The following VTI1A variants were observed in gnomAD, a reference collection of about 807,000 sequenced individuals.
VTI1A encodes vesicle transport through interaction with t-SNAREs homolog 1A.
VTI1A carries 22 observed loss-of-function variants against 34.9 expected under a neutral mutation model. The ratio of observed to expected loss-of-function variants is 0.63; its 90% CI spans 0.45 to 0.90. The LOEUF (loss-of-function observed/expected upper bound fraction) is 0.90, where lower values mean the gene tolerates loss of function less well. Among genes scored for constraint, VTI1A ranks in the 40% least tolerant of loss-of-function variants. The pLI, the probability that VTI1A is intolerant of heterozygous loss-of-function variation, is 0.00. For synonymous variants in VTI1A, 87 were observed against 97.3 expected, an observed-to-expected ratio of 0.89 and a Z score of 0.62; for missense variants, 268 against 275.6, an observed-to-expected ratio of 0.97 and a Z score of 0.20.
chr10:112,502,339 C>A (rs1849273920), intron 3 of VTI1A, among the ~76,000 whole-genome samples: 2 of 152,008 alleles, frequency 1.3e-5, no homozygotes, highest in Admixed American at 1.3e-4. Context: ...CAGCTTCTTA[C>A]TCATTTTAAA....
intron 3 of VTI1A, among the ~76,000 whole-genome samples, chr10:112,516,845 T>C (rs1849800297): frequency 6.6e-6 from 1 of 152,018 alleles, no homozygotes; most frequent in South Asian, 2.1e-4. Context: ...ATGTGCATGG[T>C]TATACTATCC....
Position 112,739,413 on chromosome 10 carries a change from T to C in VTI1A, c.560+70415T>C, listed in dbSNP as rs148254624. On this transcript the variant is annotated intron_variant, in intron 7 of 7. Transcript: ENST00000393077. Reference sequence around the variant, plus strand: ...GTCAGTTGCATGTCCCACATGCTAATGGTGGTTATTTGGACATCTCTGCTT... The same window carrying C: ...GTCAGTTGCATGTCCCACATGCTAACGGTGGTTATTTGGACATCTCTGCTT... 8.3e-4 allele frequency among the ~76,000 whole-genome samples: 127 copies of C among 152,328 alleles called. 1 individual carries two copies. In the East Asian group the frequency reaches 0.023, roughly 28 times the overall value.
chr10:112,761,728 G>A (rs967235821), intron 7 of VTI1A, among the ~76,000 whole-genome samples: 2 of 151,294 alleles, frequency 1.3e-5, no homozygotes, highest in African/African-American at 2.4e-5. Flanking sequence ...ACCAGTGCTT[G>A]TTCTCTTTCC....
chr10:112,635,391 C>T (rs999963226), intron 5 of VTI1A, among the ~76,000 whole-genome samples: 35 of 152,188 alleles, frequency 2.3e-4, no homozygotes, highest in African/African-American at 7.5e-4. Flanking sequence ...GACAGGGAAC[C>T]GCAAGGGTCA....
At chr10:112,770,117 C>A (rs1287903813) in intron 7 of VTI1A, among the ~76,000 whole-genome samples, 1 of 151,880 alleles carries the variant, frequency 6.6e-6, no homozygotes, top group African/African-American at 2.4e-5. Context: ...CGGAATCTGG[C>A]CATGGACTGC....
At chr10:112,724,444 A>G (rs78927913) in intron 7 of VTI1A, among the ~76,000 whole-genome samples, 323 of 152,186 alleles carry the variant, frequency 2.1e-3, no homozygotes, top group African/African-American at 6.9e-3. Context: ...ACACCAAACT[A>G]TGGCTGGGAT....
chr10:112,852,701 A>G, the VTI1A span, among the ~76,000 whole-genome samples: 1 of 152,134 alleles, frequency 6.6e-6, no homozygotes, highest in African/African-American at 2.4e-5. Context: ...ACAGCACCCC[A>G]GTTTTCCTCT....
chr10:112,457,852 A>G (rs964055209), intron 1 of VTI1A, among the ~76,000 whole-genome samples: 1 of 152,210 alleles, frequency 6.6e-6, no homozygotes, highest in African/African-American at 2.4e-5. Flanking sequence ...TCAGGGTGCC[A>G]TGGGAGCCAG....
At chr10:112,525,767 G>A (rs1295302316) in intron 3 of VTI1A, among the ~76,000 whole-genome samples, 1 of 152,110 alleles carries the variant, frequency 6.6e-6, no homozygotes, top group African/African-American at 2.4e-5. Context: ...ACTTCAGAAT[G>A]ATTTAAAGTC....
At chr10:112,847,381 T>A in the VTI1A span, among the ~76,000 whole-genome samples, 1 of 152,208 alleles carries the variant, frequency 6.6e-6, no homozygotes, top group Non-Finnish European at 1.5e-5. Context: ...AGGATTTGTC[T>A]TAATACTCCA....
intron 5 of VTI1A, among the ~76,000 whole-genome samples, chr10:112,579,992 A>G (rs1006878045): frequency 6.6e-6 from 1 of 152,200 alleles, no homozygotes; most frequent in Non-Finnish European, 1.5e-5. Flanking sequence ...TCTTTTTAAG[A>G]AAAAGTGACT....
chr10:112,808,117 CT>C (rs1361497963), intron 7 of VTI1A, among the ~76,000 whole-genome samples: 7 of 152,248 alleles, frequency 4.6e-5, no homozygotes, highest in Non-Finnish European at 8.8e-5. Flanking sequence ...ACTTGGGAGG[CT>C]GAGGTGGGAC....
intron 5 of VTI1A, among the ~76,000 whole-genome samples, chr10:112,612,505 A>G (rs1845357195): frequency 6.6e-6 from 1 of 152,108 alleles, no homozygotes; most frequent in East Asian, 1.9e-4. Context: ...TGTAACTTTA[A>G]ACTCCTGGGC....
chr10:112,682,056 T>C (rs1231063298), intron 7 of VTI1A, among the ~76,000 whole-genome samples: 2 of 152,198 alleles, frequency 1.3e-5, no homozygotes, highest in Non-Finnish European at 2.9e-5. Flanking sequence ...TTTAGGTCTT[T>C]TAATCTGTTT....
At chr10:112,537,586 T>TA (rs1464325696) in intron 4 of VTI1A, among the ~76,000 whole-genome samples, 9 of 152,018 alleles carry the variant, frequency 5.9e-5, no homozygotes, top group Non-Finnish European at 1.3e-4. Context: ...TGTGTTAAAA[T>TA]ATCAACATCA....
chr10:112,779,841 A>G (rs552439489), intron 7 of VTI1A, among the ~76,000 whole-genome samples: 1 of 152,320 alleles, frequency 6.6e-6, no homozygotes, highest in South Asian at 2.1e-4. Flanking sequence ...ATTATTAAAT[A>G]GAAGCTCTCA....
At chr10:112,812,480 C>A (rs1853353171) in intron 7 of VTI1A, among the ~76,000 whole-genome samples, 1 of 152,234 alleles carries the variant, frequency 6.6e-6, no homozygotes, top group African/African-American at 2.4e-5. Context: ...CAGCCCCTGG[C>A]TGCGATTGCA....
At chr10:112,679,764 GAA>G (rs60672461) in intron 7 of VTI1A, among the ~76,000 whole-genome samples, 6 of 138,408 alleles carry the variant, frequency 4.3e-5, no homozygotes, top group African/African-American at 1.6e-4. Flanking sequence ...GTGATGAGGG[GAA>G]AAAAAAAAAA....
At chr10:112,819,059 T>G (rs1474875727), downstream of VTI1A, among the ~76,000 whole-genome samples, 9 of 152,378 alleles carry the variant, frequency 5.9e-5, no homozygotes, top group South Asian at 4.1e-4. Flanking sequence ...TAAATGACTT[T>G]AGCTGTAAGT....
Sources: gnomAD v4.1 joint callset for allele counts (sites outside exome capture counted in the v4.1 genomes callset) on GRCh38, gnomAD v4.1.1 for gene constraint, MANE v1.5 for transcripts, NCBI Gene and HGNC (gene_info 2026-07-23, HGNC 2026-07-21) for gene names.